The following PANK3 variants were observed in gnomAD, a reference collection of about 807,000 sequenced individuals.
The protein encoded by PANK3 is hPanK3.
In PANK3, 20 loss-of-function variants were observed where a neutral mutation model predicts 39.4. That is an observed-to-expected ratio of 0.51 (90% confidence interval 0.36 to 0.74). The LOEUF (loss-of-function observed/expected upper bound fraction) is 0.74, where lower values mean the gene tolerates loss of function less well. PANK3 is among the 30% of genes least tolerant of loss of function. The pLI is 0.00. For synonymous variants in PANK3, 140 were observed against 157.3 expected (o/e 0.89, Z 0.82); for missense variants, 265 against 437.0 (o/e 0.61, Z 3.51).
Position 168,561,433 on chromosome 5 carries a change from T to A in PANK3, c.896A>T (p.Asn299Ile). 1 of 1,601,806 alleles carries A rather than the reference T, an allele frequency of 6.2e-7. No individual in the cohort carries two copies. The highest frequency in any genetic ancestry group is 2.3e-5 in the East Asian group (1 of 44,366). Reference protein sequence around the residue: ...LARATLVTITNNIGSVARMCA... With the variant: ...LARATLVTITINIGSVARMCA... ...CATTCGTGCCACAGAACCAATGTTA[T>A]TGGTGATAGTAACTAAAGTAGCTCT... The change falls in exon 5 of 7, where the codon AAT becomes ATT. Residue 299 changes from asparagine (N) to isoleucine (I), a missense_variant. Transcript: ENST00000239231.
At position 168,554,277 on chromosome 5, in the gene PANK3, T is replaced by C. The variant is rs1457955758; in HGVS notation, c.*3294A>G. 2 of 152,220 alleles carry C rather than the reference T, an allele frequency of 1.3e-5. No individual in the cohort carries two copies. The highest frequency in any genetic ancestry group is 4.8e-5 in the African/African-American group (2 of 41,460). 9.4% of individuals were successfully genotyped at this position (152,220 alleles called of 1,614,324 possible). A position where few individuals can be genotyped will look rare whatever the true frequency, so the allele number is the denominator to read the frequency against. On this transcript the variant is annotated 3_prime_UTR_variant, in exon 7 of 7. Coordinates refer to ENST00000239231, the MANE Select transcript of PANK3 (RefSeq NM_024594.4). ...AAAATTGACTTCTATACATTACCAGTAAATCTAGATGTACTTTAAAGAGCT... is the reference window on the plus strand; with the variant it reads ...AAAATTGACTTCTATACATTACCAGCAAATCTAGATGTACTTTAAAGAGCT...
intron 5 of PANK3, chr5:168,560,886 G>T (rs757046973): frequency 2.1e-6 from 1 of 474,202 alleles, no homozygotes; most frequent in South Asian, 1.6e-5. Context: ...ATATCATGAA[G>T]AACAGGTCTC....
intron 3 of PANK3, 141 bp from the exon 4 acceptor site, chr5:168,564,206 C>T (rs923171830): frequency 2.9e-6 from 2 of 697,388 alleles, no homozygotes; most frequent in East Asian, 3.1e-5. Context: ...AATAACATAA[C>T]GAAGGCAACA....
At chr5:168,571,002 C>G (rs150055414) in intron 1 of PANK3, among the ~76,000 whole-genome samples, 1 of 152,248 alleles carries the variant, frequency 6.6e-6, no homozygotes, top group East Asian at 1.9e-4. Flanking sequence ...ACCTCAGAGG[C>G]ACTGGACAAT....
At position 168,561,512 on chromosome 5, in the gene PANK3, C is replaced by A; in HGVS notation, c.817G>T (p.Gly273Trp). 6.4e-7 allele frequency: 1 copy of A among 1,551,278 alleles called. No homozygotes were observed. Among genetic ancestry groups the A allele is most frequent in the African/African-American group, 1.4e-5 (1 of 72,390 alleles). The change falls in exon 5 of 7, where the codon GGG becomes TGG. Residue 273 changes from glycine to tryptophan, a missense_variant. Physicochemically the swap from Gly to Trp is radical, Grantham distance 184. This residue lies in a region of PANK3 where 110 missense variants were observed against 161.2 expected (regional missense o/e 0.68). Transcript: ENST00000239231. ...LPGWAVASSFGNMIYKEKRES... is the reference protein window; with the variant it reads ...LPGWAVASSFWNMIYKEKRES... Reference sequence around the variant, plus strand: ...CGCTTCTCCTTATAAATCATATTCCCAAAACTGCAGAAAAATGAAAAATAA... The same window carrying A: ...CGCTTCTCCTTATAAATCATATTCCAAAAACTGCAGAAAAATGAAAAATAA...
intron 1 of PANK3, among the ~76,000 whole-genome samples, chr5:168,578,297 A>T (rs1323660815): frequency 1.3e-5 from 2 of 152,232 alleles, no homozygotes; most frequent in Non-Finnish European, 2.9e-5. Context: ...GGTGAGTTTT[A>T]CAGGAACCCC....
intron 2 of PANK3, among the ~76,000 whole-genome samples, chr5:168,566,483 G>A: frequency 6.6e-6 from 1 of 152,164 alleles, no homozygotes; most frequent in Non-Finnish European, 1.5e-5. Context: ...TGATGGGGAG[G>A]AAGGAAGGAC....
In PANK3 at chr5:168,557,529, C is replaced by T. The variant is rs75766637; in HGVS notation, c.*42G>A. Reference sequence around the variant, plus strand: ...GTAATAATGCCTCTGGTTTTAGTTCCTCTTGGATGACATTTATTAGCAGAG... The same window carrying T: ...GTAATAATGCCTCTGGTTTTAGTTCTTCTTGGATGACATTTATTAGCAGAG... On this transcript the variant is annotated 3_prime_UTR_variant, in exon 7 of 7. Coordinates refer to ENST00000239231, the MANE Select transcript of PANK3 (RefSeq NM_024594.4). 132 of 1,579,324 alleles carry T rather than the reference C, an allele frequency of 8.4e-5. No individual in the cohort carries two copies. The African/African-American group carries it at 1.5e-3, about 18-fold the overall frequency.
chr5:168,559,240 T>A, intron 5 of PANK3, 83 bp from the exon 6 acceptor site: 1 of 965,366 alleles, frequency 1.0e-6, no homozygotes, highest in Non-Finnish European at 1.4e-6. Context: ...ATTTAAAATT[T>A]ATTTTAAAAT....
At position 168,565,887 on chromosome 5, in the gene PANK3, T is replaced by TATATATATATA. The variant is rs57306546; in HGVS notation, c.635+125_635+126insTATATATATAT. On this transcript the variant is annotated intron_variant, in intron 3 of 6. Coordinates refer to ENST00000239231, the MANE Select transcript of PANK3 (RefSeq NM_024594.4). The stretch of plus-strand genomic sequence containing the variant: ...AAAAAAAATATATATATATATATAT[T>TATATATATATA]TTTTTTTTTTGCTGTTGTGCAAATA... 3.7e-4 allele frequency: 55 copies of TATATATATATA among 147,956 alleles called. 2 individuals carry two copies. The highest frequency in any genetic ancestry group is 2.9e-3 in the East Asian group (8 of 2,804). The allele number at this position is 147,956 out of a possible 1,614,324, so 9.2% of individuals were successfully genotyped here.
chr5:168,564,091 A>G, intron 3 of PANK3, 26 bp from the exon 4 acceptor site: 2 of 1,560,548 alleles, frequency 1.3e-6, no homozygotes, highest in Non-Finnish European at 1.7e-6. Context: ...AAACTTGCTA[A>G]GTTGCATTTA....
chr5:168,563,971 T>C lies in PANK3; in HGVS notation c.730A>G (p.Thr244Ala). ...TCACGGACCAGCTTGTCAGCTTGTG[T>C]GCTATCACCTTTGGATGCCATTTCA... The part of the protein sequence containing the change: ...ALEMASKGDS[T>A]QADKLVRDIY... The change falls in exon 4 of 7, where the codon ACA becomes GCA. Residue 244 changes from threonine (T) to alanine (A), a missense_variant. By Grantham distance (58) the Thr-to-Ala change is moderately conservative. Transcript: ENST00000239231. 6 of 1,613,788 alleles carry C rather than the reference T, an allele frequency of 3.7e-6. No homozygotes were observed. Among genetic ancestry groups the C allele is most frequent in the Non-Finnish European group, 4.2e-6 (5 of 1,179,830 alleles).
chr5:168,576,490 G>A (rs1759732798), intron 1 of PANK3, among the ~76,000 whole-genome samples: 1 of 152,122 alleles, frequency 6.6e-6, no homozygotes, highest in South Asian at 2.1e-4. Flanking sequence ...TCCTTCCCCT[G>A]GCGTTGAATT....
chr5:168,557,899 G>A (rs894535416), intron 6 of PANK3, among the ~76,000 whole-genome samples: 20 of 152,164 alleles, frequency 1.3e-4, no homozygotes, highest in African/African-American at 4.8e-4. Context: ...GGCTCACATG[G>A]TCCTCCCATC....
At position 168,548,967 on chromosome 5, in the gene PANK3, A is replaced by G. The variant is rs1759234000; in HGVS notation, c.*8604T>C. The G allele has an allele frequency of 6.6e-6, 1 of 152,224 alleles. No individual in the cohort carries two copies. The highest frequency in any genetic ancestry group is 1.5e-5 in the Non-Finnish European group (1 of 68,030). 9.4% of individuals were successfully genotyped at this position (152,224 alleles called of 1,614,324 possible). A position where few individuals can be genotyped will look rare whatever the true frequency, so the allele number is the denominator to read the frequency against. The stretch of plus-strand genomic sequence containing the variant: ...CAACTGAAACTGAAATGGCATGTGT[A>G]AGTAAAATTAATCCCCAAATTAAAG... On this transcript the variant is annotated 3_prime_UTR_variant, in exon 7 of 7. Coordinates refer to ENST00000239231, the MANE Select transcript of PANK3 (RefSeq NM_024594.4).
intron 3 of PANK3, among the ~76,000 whole-genome samples, chr5:168,565,788 C>T (rs1582464355): frequency 2.0e-5 from 3 of 148,496 alleles, no homozygotes; most frequent in South Asian, 2.1e-4. Flanking sequence ...TTTGGGAGGC[C>T]GAGACAGGCA....
At chr5:168,578,286 A>G (rs1039404082) in intron 1 of PANK3, among the ~76,000 whole-genome samples, 5 of 152,242 alleles carry the variant, frequency 3.3e-5, no homozygotes, top group Admixed American at 6.5e-5. Flanking sequence ...GTTGCCTCTC[A>G]GGTGAGTTTT....
chr5:168,561,615 G>A, intron 4 of PANK3, 99 bp from the exon 5 acceptor site: 2 of 1,070,400 alleles, frequency 1.9e-6, no homozygotes, highest in Non-Finnish European at 2.5e-6. Flanking sequence ...TATAAAATTA[G>A]GACCAAAAAG....
chr5:168,579,206 G>C (rs1385013737), intron 1 of PANK3, 50 bp downstream of exon 1: 2 of 1,453,054 alleles, frequency 1.4e-6, no homozygotes, highest in Non-Finnish European at 1.8e-6. Context: ...GCTTTCAGAC[G>C]GGGCCCAAGG....
Sources: gnomAD v4.1 joint callset for allele counts (sites outside exome capture counted in the v4.1 genomes callset) on GRCh38, gnomAD v4.1.1 for gene constraint, gnomAD v4.1.1 regional missense constraint, MANE v1.5 for transcripts, NCBI Gene and HGNC (gene_info 2026-07-23, HGNC 2026-07-21) for gene names.